Variants in FEZ2 observed in about 807,000 individuals in gnomAD.
FEZ2 encodes the protein fasciculation and elongation protein zeta-2.
In FEZ2, 51 loss-of-function variants were observed where a neutral mutation model predicts 40.4. The ratio of observed to expected loss-of-function variants is 1.26; its 90% CI spans 1.01 to 1.59. FEZ2 has a LOEUF of 1.59. FEZ2 is among the 40% of genes most tolerant of loss of function. The pLI, the probability that FEZ2 is intolerant of heterozygous loss-of-function variation, is 0.00. For missense variants in FEZ2, 640 were observed against 438.3 expected, an observed-to-expected ratio of 1.46 and a Z score of -4.11; for synonymous variants, 242 against 172.0, an observed-to-expected ratio of 1.41 and a Z score of -3.18.
At chr2:36,561,574 G>A (rs1573002312) in intron 5 of FEZ2, 1 of 152,152 alleles carries the variant, frequency 6.6e-6, no homozygotes, top group East Asian at 1.9e-4. Flanking sequence ...ACTGAAAAGG[G>A]AGTATTTTTT....
intron 5 of FEZ2, among the ~76,000 whole-genome samples, chr2:36,566,318 C>T (rs190303689): frequency 8.9e-5 from 13 of 145,784 alleles, no homozygotes; most frequent in East Asian, 6.1e-4. Context: ...CCACCCTGGA[C>T]GACAGAGCGA....
chr2:36,572,283 A>AG (rs1477351324), intron 5 of FEZ2, among the ~76,000 whole-genome samples: 1 of 152,216 alleles, frequency 6.6e-6, no homozygotes, highest in Non-Finnish European at 1.5e-5. Context: ...TGGCTGGCCA[A>AG]GGTGTCACTA....
chr2:36,580,829 C>T (rs2125235626), intron 4 of FEZ2, among the ~76,000 whole-genome samples: 2 of 152,102 alleles, frequency 1.3e-5, no homozygotes, highest in African/African-American at 4.8e-5. Context: ...TAGGATAGAC[C>T]CTAATCCAAT....
chr2:36,590,861 G>C (rs749317212), intron 2 of FEZ2, 42 bp downstream of exon 2: 20 of 1,064,656 alleles, frequency 1.9e-5, no homozygotes, highest in Admixed American at 3.4e-5. Context: ...TCTATTATCA[G>C]CATCAGTTAT....
intron 5 of FEZ2, among the ~76,000 whole-genome samples, chr2:36,571,897 C>A (rs1048276449): frequency 8.1e-4 from 122 of 151,256 alleles, no homozygotes; most frequent in African/African-American, 2.9e-3. Context: ...CACTTGTAAT[C>A]CCAGCTACTC....
At chr2:36,586,626 C>CAA (rs35106853) in intron 2 of FEZ2, among the ~76,000 whole-genome samples, 66 of 121,876 alleles carry the variant, frequency 5.4e-4, no homozygotes, top group East Asian at 4.6e-3. Context: ...GACCATGTCT[C>CAA]AAAAAAAAAA....
chr2:36,571,097 T>C (rs980838586), intron 5 of FEZ2, among the ~76,000 whole-genome samples: 8 of 152,260 alleles, frequency 5.3e-5, no homozygotes, highest in South Asian at 2.1e-4. Context: ...TAAAAACATA[T>C]CGAAAACTGA....
chr2:36,592,623 A>C (rs1669102182), intron 1 of FEZ2, among the ~76,000 whole-genome samples: 1 of 149,640 alleles, frequency 6.7e-6, no homozygotes, highest in East Asian at 2.0e-4. Context: ...CTGGGCAACA[A>C]AAGGGAGCCC....
chr2:36,576,848 G>A (rs1000952279), intron 5 of FEZ2, among the ~76,000 whole-genome samples: 1 of 152,182 alleles, frequency 6.6e-6, no homozygotes, highest in East Asian at 1.9e-4. Context: ...TTACATGGGA[G>A]TTACAAAACG....
intron 6 of FEZ2, chr2:36,557,637 T>C (rs1352735748): frequency 1.3e-5 from 2 of 152,196 alleles, no homozygotes; most frequent in African/African-American, 4.8e-5. Context: ...TAATTGATAG[T>C]AACTTAGCCA....
intron 3 of FEZ2, among the ~76,000 whole-genome samples, chr2:36,582,514 A>G (rs1312455117): frequency 2.0e-5 from 3 of 152,222 alleles, no homozygotes; most frequent in Non-Finnish European, 4.4e-5. Context: ...TGAATTCTCA[A>G]GGTCATGTCT....
At chr2:36,589,730 G>A (rs1010302935) in intron 2 of FEZ2, 1 of 152,174 alleles carries the variant, frequency 6.6e-6, no homozygotes, top group African/African-American at 2.4e-5. Context: ...TGAATACTGG[G>A]AAATACAGCC....
chr2:36,573,412 C>T (rs188131343), intron 5 of FEZ2, among the ~76,000 whole-genome samples: 286 of 152,328 alleles, frequency 1.9e-3, no homozygotes, highest in Non-Finnish European at 3.1e-3. Flanking sequence ...AGAACTGCTA[C>T]TGAAATTCAA....
chr2:36,591,610 A>G (rs1437821702), intron 1 of FEZ2: 2 of 152,648 alleles, frequency 1.3e-5, no homozygotes, highest in Admixed American at 1.3e-4. Flanking sequence ...GAAGCTAAGC[A>G]CTAAGGCAGA....
intron 1 of FEZ2, among the ~76,000 whole-genome samples, chr2:36,592,644 C>CAAAA (rs34717975): frequency 1.2e-4 from 9 of 74,294 alleles, no homozygotes; most frequent in East Asian, 3.3e-4. Flanking sequence ...CACATCTCTA[C>CAAAA]AAAAAAAAAA....
chr2:36,597,781 A>T (rs1249177305), intron 1 of FEZ2, 96 bp downstream of exon 1: 1 of 936,954 alleles, frequency 1.1e-6, no homozygotes, highest in East Asian at 3.3e-5. Context: ...TCCGGGCGGA[A>T]GGAGGGCGCA....
intron 5 of FEZ2, chr2:36,560,898 G>A (rs1430079624): frequency 7.1e-7 from 1 of 1,409,120 alleles, no homozygotes; most frequent in Admixed American, 1.8e-5. Flanking sequence ...CAGAAGAAAA[G>A]GACAGAGAAA....
At chr2:36,575,703 C>A (rs6728602) in intron 5 of FEZ2, among the ~76,000 whole-genome samples, 1 of 151,894 alleles carries the variant, frequency 6.6e-6, no homozygotes, top group Non-Finnish European at 1.5e-5. Flanking sequence ...AATAGCATCC[C>A]TATGCCCTCT....
chr2:36,571,155 T>A (rs1434215000), intron 5 of FEZ2, among the ~76,000 whole-genome samples: 4 of 152,206 alleles, frequency 2.6e-5, no homozygotes, highest in Non-Finnish European at 5.9e-5. Context: ...TAAAACAAAT[T>A]TGTTCCACAT....
Sources: gnomAD v4.1 joint callset for allele counts (sites outside exome capture counted in the v4.1 genomes callset) on GRCh38, gnomAD v4.1.1 for gene constraint, MANE v1.5 for transcripts, NCBI Gene and HGNC (gene_info 2026-07-23, HGNC 2026-07-21) for gene names.